The following DST variants were observed in gnomAD, a reference collection of about 807,000 sequenced individuals.
DST encodes the protein bullous pemphigoid antigen.
A neutral mutation model predicts 875.2 loss-of-function variants in DST; 253 were observed. That is an observed-to-expected ratio of 0.29 (90% CI 0.26 to 0.32). The LOEUF is 0.32. DST is among the 10% of genes least tolerant of loss of function. DST has a pLI of 1.00. For synonymous variants in DST, 3,124 were observed against 3,197.1 expected (o/e 0.98, Z 0.77); for missense variants, 8,287 against 9,111.6 (o/e 0.91, Z 3.68).
Position 56,481,167 on chromosome 6 carries a change from A to G in DST, c.21531+883T>C, listed in dbSNP as rs547468386. ...ATAGAGGGTGTTAATTAACATAACA[A>G]GTCTCCACACATGATGTAATCCATG... On this transcript the variant is annotated intron_variant, in intron 90 of 103. Coordinates refer to ENST00000680361, the MANE Select transcript of DST (RefSeq NM_001374736.1). Among the ~76,000 whole-genome samples, 5 of 152,322 alleles carry G rather than the reference A, an allele frequency of 3.3e-5. No individual in the cohort carries two copies. The South Asian group carries it at 1.0e-3, about 32-fold the overall frequency.
At chr6:56,727,591 C>T (rs771085388) in intron 5 of DST, among the ~76,000 whole-genome samples, 1 of 152,176 alleles carries the variant, frequency 6.6e-6, no homozygotes, top group Non-Finnish European at 1.5e-5. Flanking sequence ...TCTTTGCATA[C>T]TTTTATCTGT....
rs148062292 is a variant in DST, at chr6:56,615,971, C to T, written c.4930-1487G>A. 14 of 1,614,106 alleles carry T rather than the reference C, an allele frequency of 8.7e-6. No individual in the cohort carries two copies. Among genetic ancestry groups the T allele is most frequent in the South Asian group, 3.3e-5 (3 of 91,090 alleles). On this transcript the variant is annotated intron_variant, in intron 36 of 103. Transcript: ENST00000680361. ...GCCTCTATGCAAAGCTTCGGCCACC[C>T]GGTACTTTTTGCCAGTAAGAGGATC...
intron 36 of DST, chr6:56,619,890 T>C (rs187935200): frequency 1.2e-6 from 2 of 1,614,190 alleles, no homozygotes; most frequent in African/African-American, 1.3e-5. Flanking sequence ...AGCTCTCTCA[T>C]GTCTTGTTCA....
At chr6:56,710,123 TAAGCA>T (rs1378872399) in intron 5 of DST, among the ~76,000 whole-genome samples, 1 of 152,178 alleles carries the variant, frequency 6.6e-6, no homozygotes, top group African/African-American at 2.4e-5. Context: ...ACTATTATCT[TAAGCA>T]AAAACAAATC....
intron 103 of DST, among the ~76,000 whole-genome samples, 171 bp downstream of exon 103, chr6:56,459,960 C>T (rs1490958744): frequency 6.6e-6 from 1 of 152,200 alleles, no homozygotes. Flanking sequence ...TAGACACTTG[C>T]ACCCATGACT....
intron 2 of DST, among the ~76,000 whole-genome samples, chr6:56,908,262 T>C (rs1797332543): frequency 6.6e-6 from 1 of 152,128 alleles, no homozygotes; most frequent in Non-Finnish European, 1.5e-5. Context: ...ATTCCCTTCA[T>C]CCTAGGCTAG....
At chr6:56,915,056 T>C (rs1189438676) in intron 2 of DST, among the ~76,000 whole-genome samples, 1 of 152,204 alleles carries the variant, frequency 6.6e-6, no homozygotes. Context: ...ACAGACTCTA[T>C]AAATAGCTGT....
chr6:56,808,264 A>G (rs2099755564), intron 4 of DST, among the ~76,000 whole-genome samples: 1 of 152,142 alleles, frequency 6.6e-6, no homozygotes, highest in South Asian at 2.1e-4. Context: ...AAAAAAAAAA[A>G]ACCAACTGAG....
At chr6:56,810,787 C>A (rs2099758928) in intron 4 of DST, among the ~76,000 whole-genome samples, 1 of 151,816 alleles carries the variant, frequency 6.6e-6, no homozygotes, top group South Asian at 2.1e-4. Flanking sequence ...CCTGCTACAT[C>A]ATGTCATCTT....
At chr6:56,693,359 A>G (rs1490172622) in intron 9 of DST, 4 of 1,142,820 alleles carry the variant, frequency 3.5e-6, no homozygotes, top group Non-Finnish European at 4.3e-6. Flanking sequence ...TCCGTGTCTC[A>G]TTAGACACTG....
rs770225866 is a variant in DST, at chr6:56,609,020, T to G, written c.5608A>C (p.Ile1870Leu). 3.7e-6 allele frequency: 6 copies of G among 1,613,900 alleles called. No homozygotes were observed. Among genetic ancestry groups the G allele is most frequent in the Non-Finnish European group, 5.1e-6 (6 of 1,179,808 alleles). Reference sequence around the variant, plus strand: ...GAAAGCAGTATCTCAAGAACTTTGATGGCCATGGATTCTGTTATCATGCTT... The same window carrying G: ...GAAAGCAGTATCTCAAGAACTTTGAGGGCCATGGATTCTGTTATCATGCTT... ...AQSMITESMAIKVLEILLSTG... is the reference protein window; with the variant it reads ...AQSMITESMALKVLEILLSTG... The change falls in exon 40 of 104, where the codon ATC becomes CTC. Residue 1870 changes from isoleucine to leucine, a missense_variant. Physicochemically the swap from Ile to Leu is conservative, Grantham distance 5. Transcript: ENST00000680361.
intron 5 of DST, 107 bp from the exon 6 acceptor site, chr6:56,704,476 T>A (rs2099324758): frequency 7.3e-6 from 4 of 547,832 alleles, no homozygotes; most frequent in Non-Finnish European, 1.3e-5. Flanking sequence ...ATGGTATTCA[T>A]TCATGCACCT....
intron 4 of DST, among the ~76,000 whole-genome samples, chr6:56,753,158 C>A (rs1020908932): frequency 6.6e-6 from 1 of 152,038 alleles, no homozygotes; most frequent in East Asian, 1.9e-4. Context: ...AGTGATATGG[C>A]GAGTATAAGG....
chr6:56,843,641 C>A (rs1262668992), intron 4 of DST: 1 of 983,838 alleles, frequency 1.0e-6, no homozygotes, highest in Non-Finnish European at 1.2e-6. Context: ...CTGCGCGGCG[C>A]ATCTGCGGCA....
chr6:56,527,395 A>T (rs1313836310), intron 68 of DST, 98 bp downstream of exon 68: 1 of 1,423,248 alleles, frequency 7.0e-7, no homozygotes, highest in African/African-American at 1.4e-5. Context: ...ATCCTTCAGC[A>T]TATGTAATGA....
At chr6:56,878,428 G>A (rs1048094403) in intron 3 of DST, among the ~76,000 whole-genome samples, 2 of 152,252 alleles carry the variant, frequency 1.3e-5, no homozygotes, top group South Asian at 2.1e-4. Context: ...CTGCCCCTCC[G>A]TGGCACATGC....
chr6:56,787,327 T>C (rs911093281), intron 4 of DST, among the ~76,000 whole-genome samples: 1 of 152,168 alleles, frequency 6.6e-6, no homozygotes, highest in African/African-American at 2.4e-5. Context: ...ATGTCTTATT[T>C]CAGATGAGTA....
chr6:56,937,334 A>C (rs1813533150), intron 2 of DST, among the ~76,000 whole-genome samples: 1 of 152,184 alleles, frequency 6.6e-6, no homozygotes, highest in Admixed American at 6.5e-5. Flanking sequence ...AAGAAAAAAA[A>C]ATCAATTTTA....
At chr6:56,859,547 G>C (rs1376578952) in intron 3 of DST, among the ~76,000 whole-genome samples, 1 of 152,028 alleles carries the variant, frequency 6.6e-6, no homozygotes, top group Non-Finnish European at 1.5e-5. Flanking sequence ...AAAGCAAACA[G>C]ATCTCTAAAA....
Sources: gnomAD v4.1 joint callset for allele counts (sites outside exome capture counted in the v4.1 genomes callset) on GRCh38, gnomAD v4.1.1 for gene constraint, MANE v1.5 for transcripts, NCBI Gene and HGNC (gene_info 2026-07-23, HGNC 2026-07-21) for gene names.